Variants in TRPV4 observed in about 807,000 individuals in gnomAD.
The protein encoded by TRPV4 is transient receptor potential cation channel subfamily V member 4, also known as OSM9-like transient receptor potential channel 4.
A neutral mutation model predicts 84.1 loss-of-function variants in TRPV4; 58 were observed. The ratio of observed to expected loss-of-function variants is 0.69; its 90% CI spans 0.56 to 0.86. The LOEUF (loss-of-function observed/expected upper bound fraction) is 0.86, where lower values mean the gene tolerates loss of function less well. Ranked by LOEUF, TRPV4 falls within the 40% of genes least tolerant of loss-of-function variation. The pLI is 0.00. For synonymous variants in TRPV4, 489 were observed against 500.9 expected, an observed-to-expected ratio of 0.98 and a Z score of 0.32; for missense variants, 879 against 1,181.1, an observed-to-expected ratio of 0.74 and a Z score of 3.75.
rs372460171 is a variant in TRPV4 at position 109,798,731 on chromosome 12, C to T, written c.1035G>A (p.Met345Ile). The change falls in exon 6 of 16, where the codon ATG (methionine) becomes ATA (isoleucine). Residue 345 changes from methionine (M) to isoleucine (I), a missense_variant. By Grantham distance (10) the Met-to-Ile change is conservative. Around this residue, in one of 4 missense-constraint regions of TRPV4, gnomAD observed 521 missense variants for 686.6 expected, o/e 0.76. Coordinates refer to ENST00000261740, the MANE Select transcript of TRPV4 (RefSeq NM_021625.5). This position sits in a 1 kb window ranked among gnomAD's most constrained non-coding sequence, Gnocchi z 5.0. ...TRENTKFVTK[M>I]YDLLLLKCAR... Reference sequence around the variant, plus strand: ...CACACTTGAGCAGCAGCAGGTCGTACATCTTGGTAACAAACTTGGTGTTCT... The same window carrying T: ...CACACTTGAGCAGCAGCAGGTCGTATATCTTGGTAACAAACTTGGTGTTCT... 8 of 1,614,024 alleles carry T rather than the reference C, an allele frequency of 5.0e-6. No individual in the cohort carries two copies. The African/African-American group carries it at 9.3e-5, about 19-fold the overall frequency.
chr12:109,808,671 T>G (rs1474015812), intron 2 of TRPV4, among the ~76,000 whole-genome samples: 1 of 152,110 alleles, frequency 6.6e-6, no homozygotes. Flanking sequence ...GTGTGTTGGG[T>G]GGAGACAAAC....
In TRPV4 at chr12:109,802,980, C is replaced by CGG; in HGVS notation, c.712+9_712+10dup. On this transcript the variant is annotated intron_variant, in intron 4 of 15. Transcript: ENST00000261740. The stretch of plus-strand genomic sequence containing the variant: ...GCCCCCGTGGCACCCCTGCCCAGCC[C>CGG]GGGGCCCCACCTCGATAGTAGATGT... 1 of 1,613,434 alleles carries CGG rather than the reference C, an allele frequency of 6.2e-7. No homozygotes were observed.
In TRPV4 at chr12:109,793,541, G is replaced by A. The variant is rs1267243089; in HGVS notation, c.1644C>T (p.Ser548=). 3 of 1,614,042 alleles carry A rather than the reference G, an allele frequency of 1.9e-6. No individual in the cohort carries two copies. Among genetic ancestry groups the A allele is most frequent in the East Asian group, 2.2e-5 (1 of 44,874 alleles). Residue 548 remains serine (S), a synonymous_variant, in exon 10 of 16, where the codon TCC becomes TCT. Coordinates refer to ENST00000261740, the MANE Select transcript of TRPV4 (RefSeq NM_021625.5). This position sits in a 1 kb window ranked among gnomAD's most constrained non-coding sequence, Gnocchi z 4.0. ...PGVNSLFIDG[S]FQLLYFIYSV... The stretch of plus-strand genomic sequence containing the variant: ...CCTCTACTCACTAGAGCAGCTGGAA[G>A]GAGCCATCAATGAAGAGAGAATTCA...
intron 10 of TRPV4, 121 bp from the exon 11 acceptor site, chr12:109,792,938 C>A: frequency 1.0e-6 from 1 of 970,498 alleles, no homozygotes; most frequent in Non-Finnish European, 1.5e-6. Context: ...CTTCTAGACC[C>A]CCAGAAAAGA....
chr12:109,806,139 GC>G (rs1233830619), intron 3 of TRPV4, among the ~76,000 whole-genome samples: 1 of 152,262 alleles, frequency 6.6e-6, no homozygotes. Context: ...TCCAAACGAG[GC>G]CACGTCGCGT....
chr12:109,802,738 G>A (rs1318048297), intron 4 of TRPV4, among the ~76,000 whole-genome samples: 1 of 151,914 alleles, frequency 6.6e-6, no homozygotes, highest in East Asian at 1.9e-4. Flanking sequence ...TTACAGGTAA[G>A]AGCCACCGCA....
chr12:109,783,761 C>T lies in TRPV4; in HGVS notation c.2476G>A (p.Val826Ile). 2 of 1,612,720 alleles carry T rather than the reference C, an allele frequency of 1.2e-6. No homozygotes were observed. Among genetic ancestry groups the T allele is most frequent in the Non-Finnish European group, 1.7e-6 (2 of 1,179,924 alleles). ...TTGTTCAGTTCCACCACGCGGGGTA[C>T]CACCGAGGACCAGCGATCTGCACCG... ...RLRRDRWSSV[V>I]PRVVELNKNS... Residue 826 changes from valine to isoleucine, a missense_variant, in exon 16 of 16, where the codon GTA (valine) becomes ATA (isoleucine). Around this residue, in one of 4 missense-constraint regions of TRPV4, gnomAD observed 242 missense variants for 355.3 expected, o/e 0.68. Coordinates refer to ENST00000261740, the MANE Select transcript of TRPV4 (RefSeq NM_021625.5). The surrounding 1 kb of genome is among the most constrained non-coding windows in gnomAD (Gnocchi z 4.6).
At chr12:109,826,690 C>T (rs1435496889) in intron 1 of TRPV4, among the ~76,000 whole-genome samples, 2 of 152,224 alleles carry the variant, frequency 1.3e-5, no homozygotes, top group East Asian at 3.8e-4. Flanking sequence ...TCCCTTGGAA[C>T]TCAGCAGGAC....
At position 109,802,908 on chromosome 12, in the gene TRPV4, A is replaced by T. The variant is rs988447022; in HGVS notation, c.712+83T>A. Reference sequence around the variant, plus strand: ...GGTACATGCTGGCACTTAGGCCCAGATCAAAAGTCTCAGGAGTCAGACAAG... The same window carrying T: ...GGTACATGCTGGCACTTAGGCCCAGTTCAAAAGTCTCAGGAGTCAGACAAG... On this transcript the variant is annotated intron_variant, in intron 4 of 15. Transcript: ENST00000261740. The T allele has an allele frequency of 4.7e-6, 7 of 1,484,458 alleles. No individual in the cohort carries two copies. The African/African-American group carries it at 8.3e-5, about 18-fold the overall frequency. The allele number at this position is 1,484,458 out of a possible 1,614,324, so 92.0% of individuals were successfully genotyped here.
At chr12:109,803,185 A>G in intron 3 of TRPV4, 42 bp from the exon 4 acceptor site, 1 of 1,610,868 alleles carries the variant, frequency 6.2e-7, no homozygotes, top group South Asian at 1.1e-5. Context: ...GCTCCAGCCC[A>G]TGACCTTGAA....
intron 1 of TRPV4, among the ~76,000 whole-genome samples, chr12:109,830,655 C>T (rs1221361692): frequency 1.3e-5 from 2 of 152,182 alleles, no homozygotes; most frequent in East Asian, 3.8e-4. Flanking sequence ...TTACCTGGGT[C>T]CCTATAATTT....
chr12:109,785,209 G>A (rs2136423423), intron 14 of TRPV4, among the ~76,000 whole-genome samples: 1 of 151,826 alleles, frequency 6.6e-6, no homozygotes, highest in South Asian at 2.1e-4. Flanking sequence ...ACGTTTTGTA[G>A]AGATGGGGTT....
Position 109,792,731 on chromosome 12 carries a change from A to G in TRPV4, c.1745T>C (p.Leu582Pro), listed in dbSNP as rs1890125308. The change falls in exon 11 of 16, where the codon CTG (leucine) becomes CCG (proline). Residue 582 changes from leucine to proline, a missense_variant. Coordinates refer to ENST00000261740, the MANE Select transcript of TRPV4 (RefSeq NM_021625.5). ...EAYLAVMVFA[L>P]VLGWMNALYF... ...AAGGGCATTCATCCAGCCCAGGACC[A>G]GGGCAAAGACCATCACGGCCAGGTA... 6.2e-7 allele frequency: 1 copy of G among 1,614,144 alleles called. No homozygotes were observed. Among genetic ancestry groups the G allele is most frequent in the Non-Finnish European group, 8.5e-7 (1 of 1,180,006 alleles).
intron 1 of TRPV4, among the ~76,000 whole-genome samples, chr12:109,826,886 C>T (rs1892265595): frequency 6.6e-6 from 1 of 152,232 alleles, no homozygotes; most frequent in Non-Finnish European, 1.5e-5. Flanking sequence ...ACAAAGTGGC[C>T]TCAAAGCACT....
chr12:109,820,714 G>A (rs964216162), intron 1 of TRPV4, among the ~76,000 whole-genome samples: 3 of 151,612 alleles, frequency 2.0e-5, no homozygotes, highest in African/African-American at 4.8e-5. Context: ...TAGTACAGAC[G>A]GGGTTTCATG....
In TRPV4 at chr12:109,792,658, G is replaced by A. The variant is rs780184323; in HGVS notation, c.1818C>T (p.Ile606=). The change falls in exon 11 of 16, where the codon ATC becomes ATT. Residue 606 remains isoleucine, a synonymous_variant. Coordinates refer to ENST00000261740, the MANE Select transcript of TRPV4 (RefSeq NM_021625.5). ...LKLTGTYSIM[I]QKILFKDLFR... Reference sequence around the variant, plus strand: ...GGGTCCTCCCAGCCCGTACCTTCTGGATCATGATGCTATAGGTCCCCGTCA... The same window carrying A: ...GGGTCCTCCCAGCCCGTACCTTCTGAATCATGATGCTATAGGTCCCCGTCA... 7.4e-6 allele frequency: 12 copies of A among 1,614,018 alleles called. No homozygotes were observed. In the East Asian group the frequency reaches 2.7e-4, roughly 36 times the overall value.
intron 1 of TRPV4, among the ~76,000 whole-genome samples, chr12:109,819,078 T>C (rs1173330800): frequency 2.0e-5 from 3 of 151,856 alleles, no homozygotes; most frequent in African/African-American, 7.3e-5. Flanking sequence ...CACATAGGCA[T>C]GTGTACACAC....
At chr12:109,827,473 G>A (rs1892285562) in intron 1 of TRPV4, among the ~76,000 whole-genome samples, 2 of 151,956 alleles carry the variant, frequency 1.3e-5, no homozygotes, top group Non-Finnish European at 2.9e-5. Context: ...AGACCCATGG[G>A]TCAGTCAACC....
intron 1 of TRPV4, among the ~76,000 whole-genome samples, chr12:109,830,560 T>C (rs988076221): frequency 6.6e-6 from 1 of 152,176 alleles, no homozygotes; most frequent in Non-Finnish European, 1.5e-5. Flanking sequence ...AAATGGGCGA[T>C]GTGGAGCATT....
Sources: gnomAD v4.1 joint callset for allele counts (sites outside exome capture counted in the v4.1 genomes callset) on GRCh38, gnomAD v4.1.1 for gene constraint, gnomAD v4.1.1 regional missense constraint, Gnocchi (gnomAD v3.1) non-coding constraint, MANE v1.5 for transcripts, NCBI Gene and HGNC (gene_info 2026-07-23, HGNC 2026-07-21) for gene names.